Variants in SGCZ observed in about 807,000 individuals in gnomAD.
SGCZ encodes the protein zeta-sarcoglycan.
Under a neutral mutation model 41.3 loss-of-function variants are expected in SGCZ, and 40 were observed. The ratio of observed to expected loss-of-function variants is 0.97; its 90% CI spans 0.75 to 1.26. SGCZ has a LOEUF of 1.26. Ranked by LOEUF, SGCZ falls within the 50% of genes most tolerant of loss-of-function variation. The pLI, the probability that SGCZ is intolerant of heterozygous loss-of-function variation, is 0.00. For missense variants in SGCZ, 552 were observed against 369.8 expected (o/e 1.49, Z -4.04); for synonymous variants, 206 against 137.5 (o/e 1.50, Z -3.49).
At chr8:14,809,134 G>T (rs2130531018) in intron 1 of SGCZ, among the ~76,000 whole-genome samples, 1 of 152,084 alleles carries the variant, frequency 6.6e-6, no homozygotes, top group Middle Eastern at 3.4e-3. Context: ...AATGCTAGAT[G>T]ACAAGTTAGT....
At chr8:14,803,353 G>T (rs537001428) in intron 1 of SGCZ, among the ~76,000 whole-genome samples, 1 of 152,126 alleles carries the variant, frequency 6.6e-6, no homozygotes, top group South Asian at 2.1e-4. Flanking sequence ...GACAGTGGGC[G>T]CAGGTCAGTG....
chr8:14,879,489 G>A (rs1320925798), intron 1 of SGCZ, among the ~76,000 whole-genome samples: 1 of 151,596 alleles, frequency 6.6e-6, no homozygotes, highest in Non-Finnish European at 1.5e-5. Context: ...GACACTCTTG[G>A]GAAGTATCTC....
At chr8:14,653,696 T>C (rs1368998718) in intron 1 of SGCZ, among the ~76,000 whole-genome samples, 12 of 151,864 alleles carry the variant, frequency 7.9e-5, no homozygotes, top group Non-Finnish European at 8.8e-5. Context: ...CCTGAAGTGA[T>C]GTCCCACCCA....
At chr8:15,057,341 T>C (rs1479192877) in intron 1 of SGCZ, among the ~76,000 whole-genome samples, 1 of 152,182 alleles carries the variant, frequency 6.6e-6, no homozygotes, top group Admixed American at 6.5e-5. Flanking sequence ...GTGTTCCTAT[T>C]AGACACCATG....
At chr8:14,140,932 C>G (rs1265837474) in intron 5 of SGCZ, among the ~76,000 whole-genome samples, 1 of 152,174 alleles carries the variant, frequency 6.6e-6, no homozygotes, top group Non-Finnish European at 1.5e-5. Context: ...TACTACAAGC[C>G]TACAGTAACC....
intron 1 of SGCZ, among the ~76,000 whole-genome samples, chr8:15,179,699 C>A (rs1417523359): frequency 6.6e-6 from 1 of 151,968 alleles, no homozygotes; most frequent in Non-Finnish European, 1.5e-5. Context: ...ACAACAACAA[C>A]AAAAAAGGAC....
intron 3 of SGCZ, among the ~76,000 whole-genome samples, chr8:14,257,343 T>G (rs1313371150): frequency 7.4e-6 from 1 of 134,426 alleles, no homozygotes; most frequent in Non-Finnish European, 1.7e-5. Flanking sequence ...TGAGACCCTG[T>G]CTCCAGAAAA....
chr8:14,960,775 C>G lies in SGCZ; in HGVS notation c.39+276810G>C, dbSNP rs73666952. Among the ~76,000 whole-genome samples the G allele has an allele frequency of 4.7e-3, 719 of 152,180 alleles. 10 individuals carry two copies. The highest frequency in any genetic ancestry group is 0.016 in the African/African-American group (663 of 41,530). On this transcript the variant is annotated intron_variant, in intron 1 of 7. Transcript: ENST00000382080. ...TCATATACCATCAAAGAGCAGTCAT[C>G]ATTTCTACTACATCAATTAAGGAAA...
At chr8:15,180,613 T>C (rs1048866631) in intron 1 of SGCZ, among the ~76,000 whole-genome samples, 1 of 151,300 alleles carries the variant, frequency 6.6e-6, no homozygotes, top group Non-Finnish European at 1.5e-5. Flanking sequence ...AGGCTGGGCA[T>C]GGTGACTCAC....
Position 14,610,155 on chromosome 8 carries a change from T to G in SGCZ, c.40-55229A>C, listed in dbSNP as rs552464167. 3.9e-5 allele frequency among the ~76,000 whole-genome samples: 6 copies of G among 152,050 alleles called. No homozygotes were observed. In the South Asian group the frequency reaches 1.2e-3, roughly 32 times the overall value. On this transcript the variant is annotated intron_variant, in intron 1 of 7. Transcript: ENST00000382080. ...AGAGACCAGTCTTTTAAGTGGGGAG[T>G]AAATTTGCAGGATGGCAGAATAAGT...
intron 1 of SGCZ, among the ~76,000 whole-genome samples, chr8:14,634,061 T>C (rs1806747075): frequency 6.6e-6 from 1 of 151,878 alleles, no homozygotes; most frequent in African/African-American, 2.4e-5. Flanking sequence ...GTCAAGATAA[T>C]ATGTAATTTC....
At chr8:14,782,882 G>C (rs551900416) in intron 1 of SGCZ, among the ~76,000 whole-genome samples, 15 of 152,168 alleles carry the variant, frequency 9.9e-5, no homozygotes, top group African/African-American at 3.6e-4. Context: ...CAGCCAAATG[G>C]TATCTCATCT....
chr8:14,214,418 C>G (rs1805921436), intron 4 of SGCZ, among the ~76,000 whole-genome samples: 1 of 152,058 alleles, frequency 6.6e-6, no homozygotes, highest in Admixed American at 6.5e-5. Context: ...TTTGAATATA[C>G]TATGATCTTA....
chr8:15,168,693 G>C (rs1008461437), intron 1 of SGCZ, among the ~76,000 whole-genome samples: 2 of 152,150 alleles, frequency 1.3e-5, no homozygotes, highest in Non-Finnish European at 2.9e-5. Flanking sequence ...TACCCATTTC[G>C]AATGCATCCT....
At chr8:14,112,077 CAAGAA>C (rs1437089312) in intron 5 of SGCZ, among the ~76,000 whole-genome samples, 5 of 151,876 alleles carry the variant, frequency 3.3e-5, no homozygotes, top group Non-Finnish European at 1.5e-5. Context: ...AGAGGTAGCA[CAAGAA>C]AAGGAAACCC....
At chr8:14,436,290 T>C (rs1198808037) in intron 2 of SGCZ, among the ~76,000 whole-genome samples, 2 of 152,140 alleles carry the variant, frequency 1.3e-5, no homozygotes, top group Admixed American at 6.5e-5. Context: ...AGAGGACAGA[T>C]CTGTAAGAGC....
At chr8:14,685,074 C>T (rs1808568260) in intron 1 of SGCZ, among the ~76,000 whole-genome samples, 1 of 140,964 alleles carries the variant, frequency 7.1e-6, no homozygotes. Flanking sequence ...CTTGACTGTA[C>T]CATGAGATTC....
At chr8:14,924,502 T>A (rs1049811328) in intron 1 of SGCZ, among the ~76,000 whole-genome samples, 1 of 151,332 alleles carries the variant, frequency 6.6e-6, no homozygotes, top group South Asian at 2.1e-4. Flanking sequence ...TATTCTTTAA[T>A]AAAGGTGAAT....
At chr8:14,724,121 G>A (rs180707959) in intron 1 of SGCZ, among the ~76,000 whole-genome samples, 2 of 152,212 alleles carry the variant, frequency 1.3e-5, no homozygotes, top group East Asian at 1.9e-4. Context: ...TGAGAAAAAT[G>A]TGTCTTATCT....
Sources: allele counts gnomAD v4.1 joint callset (sites outside exome capture counted in the v4.1 genomes callset), GRCh38; gene constraint gnomAD v4.1.1; transcripts MANE v1.5; gene names NCBI Gene and HGNC (gene_info 2026-07-23, HGNC 2026-07-21).